Variants in PSMA1 observed in about 807,000 individuals in gnomAD.
The protein encoded by PSMA1 is proteasome 20S subunit alpha 1.
A neutral mutation model predicts 38.4 loss-of-function variants in PSMA1; 3 were observed. The observed-to-expected ratio is 0.08, with a 90% CI of 0.04 to 0.20. PSMA1 has a LOEUF of 0.20. PSMA1 is among the 10% of genes least tolerant of loss of function. The pLI is 1.00. For synonymous variants in PSMA1, 101 were observed against 107.1 expected, an observed-to-expected ratio of 0.94 and a Z score of 0.35; for missense variants, 227 against 325.3, an observed-to-expected ratio of 0.70 and a Z score of 2.32.
intron 2 of PSMA1, among the ~76,000 whole-genome samples, chr11:14,541,067 A>G (rs1270060281): frequency 6.6e-6 from 1 of 152,206 alleles, no homozygotes; most frequent in Non-Finnish European, 1.5e-5. Flanking sequence ...GTGAACATGT[A>G]CCCTAGAACT....
At chr11:14,559,890 A>G (rs1001046569) in intron 2 of PSMA1, among the ~76,000 whole-genome samples, 2 of 152,198 alleles carry the variant, frequency 1.3e-5, no homozygotes, top group Non-Finnish European at 2.9e-5. Flanking sequence ...TATCAGGGAA[A>G]GAGTGAAGGA....
chr11:14,608,731 A>G (rs894054657), intron 2 of PSMA1, among the ~76,000 whole-genome samples: 1 of 147,972 alleles, frequency 6.8e-6, no homozygotes, highest in African/African-American at 2.4e-5. Flanking sequence ...TATAATATAA[A>G]AGTATACATA....
intron 1 of PSMA1, among the ~76,000 whole-genome samples, chr11:14,635,540 T>C (rs1360907425): frequency 6.6e-6 from 1 of 152,242 alleles, no homozygotes; most frequent in African/African-American, 2.4e-5. Context: ...TGACTAGACA[T>C]TAATAAAATT....
intron 2 of PSMA1, among the ~76,000 whole-genome samples, chr11:14,563,963 G>T (rs1852039580): frequency 6.6e-6 from 1 of 151,968 alleles, no homozygotes; most frequent in African/African-American, 2.4e-5. Context: ...AAGTCTGTTG[G>T]GAGAAAGATT....
chr11:14,570,604 A>G (rs1454292501), intron 2 of PSMA1, among the ~76,000 whole-genome samples: 1 of 152,244 alleles, frequency 6.6e-6, no homozygotes, highest in Non-Finnish European at 1.5e-5. Context: ...AGTGGAGGAA[A>G]GGAGTGATTG....
At chr11:14,528,450 A>G (rs1851610230) in intron 2 of PSMA1, among the ~76,000 whole-genome samples, 1 of 151,978 alleles carries the variant, frequency 6.6e-6, no homozygotes, top group Non-Finnish European at 1.5e-5. Flanking sequence ...CCTTACCCCA[A>G]AATCTTTCTT....
intron 8 of PSMA1, among the ~76,000 whole-genome samples, chr11:14,508,899 C>T (rs948964098): frequency 5.3e-4 from 74 of 139,786 alleles, no homozygotes; most frequent in Admixed American, 4.5e-3. Flanking sequence ...CTTCTTTGAC[C>T]ACCTCTCTCA....
upstream of PSMA1, among the ~76,000 whole-genome samples, chr11:14,521,334 TA>T (rs3053227): frequency 3.5e-5 from 5 of 144,164 alleles, no homozygotes; most frequent in Admixed American, 1.4e-4. Flanking sequence ...ATAAGAATAA[TA>T]AAAAAAAAAG....
intron 2 of PSMA1, among the ~76,000 whole-genome samples, chr11:14,602,913 G>T (rs988575119): frequency 6.6e-6 from 1 of 152,178 alleles, no homozygotes; most frequent in African/African-American, 2.4e-5. Context: ...GGGTTCACCT[G>T]ATTTCCATGG....
chr11:14,599,021 T>A (rs1208020310), intron 2 of PSMA1, among the ~76,000 whole-genome samples: 3 of 152,144 alleles, frequency 2.0e-5, no homozygotes, highest in Admixed American at 2.0e-4. Context: ...GGATATGAAA[T>A]TCTGGGTTGA....
chr11:14,546,238 G>A lies in PSMA1; in HGVS notation c.22-27197C>T, dbSNP rs572238257. ...GACTGAGTCAGTTCTAAAAAGAGAG[G>A]GGCAAGAGGGTTGCTTATGTAGGAG... On this transcript the variant is annotated intron_variant, in intron 2 of 10. Coordinates refer to the PSMA1 transcript ENST00000418988. 6.1e-4 allele frequency among the ~76,000 whole-genome samples: 93 copies of A among 151,826 alleles called. No homozygotes were observed. The Middle Eastern group carries it at 0.014, about 22-fold the overall frequency.
chr11:14,525,051 C>T (rs890114914), upstream of PSMA1, among the ~76,000 whole-genome samples: 38 of 152,190 alleles, frequency 2.5e-4, 1 homozygote, highest in Middle Eastern at 3.4e-3. Flanking sequence ...CTACCCACCC[C>T]TCATTACCTT....
chr11:14,584,511 T>C (rs915440145), intron 2 of PSMA1, among the ~76,000 whole-genome samples: 4 of 144,766 alleles, frequency 2.8e-5, no homozygotes, highest in African/African-American at 1.0e-4. Flanking sequence ...TTTTTTGTTT[T>C]TTTTTTTTTT....
intron 2 of PSMA1, among the ~76,000 whole-genome samples, chr11:14,560,243 C>T (rs528928132): frequency 6.6e-6 from 1 of 152,312 alleles, no homozygotes; most frequent in South Asian, 2.1e-4. Flanking sequence ...ACTAATTTTG[C>T]ACAAGTTCCA....
At chr11:14,524,679 C>T (rs562664446), upstream of PSMA1, among the ~76,000 whole-genome samples, 9 of 152,294 alleles carry the variant, frequency 5.9e-5, no homozygotes, top group East Asian at 7.7e-4. Context: ...TCTCTTCACA[C>T]GGACACGTAA....
chr11:14,551,637 C>G (rs1229610615), intron 2 of PSMA1, among the ~76,000 whole-genome samples: 1 of 152,136 alleles, frequency 6.6e-6, no homozygotes, highest in Non-Finnish European at 1.5e-5. Flanking sequence ...GTTCCCAGCT[C>G]CCCTACCATG....
chr11:14,602,181 T>G (rs1421834441), intron 2 of PSMA1, among the ~76,000 whole-genome samples: 3 of 152,178 alleles, frequency 2.0e-5, no homozygotes, highest in African/African-American at 7.2e-5. Context: ...GAGAAACTCA[T>G]GAACACTAAA....
Position 14,520,310 on chromosome 11 carries a change from C to G in PSMA1, c.-11G>C, listed in dbSNP as rs1395994874. On this transcript the variant is annotated 5_prime_UTR_variant, in exon 1 of 10. Coordinates refer to ENST00000396394, the MANE Select transcript of PSMA1 (RefSeq NM_002786.4). ...GATTCAACGTACCATGGTGGCGGCG[C>G]GGGCCTGGTTGCGGCCTCCAGCAAA... 6.2e-6 allele frequency: 10 copies of G among 1,614,068 alleles called. No homozygotes were observed. The highest frequency in any genetic ancestry group is 8.5e-6 in the Non-Finnish European group (10 of 1,180,006).
At chr11:14,526,176 G>A (rs1347014327) in intron 2 of PSMA1, among the ~76,000 whole-genome samples, 4 of 152,022 alleles carry the variant, frequency 2.6e-5, no homozygotes, top group African/African-American at 7.3e-5. Context: ...GGATACTTTC[G>A]CCTTTGGATA....
Sources: gnomAD v4.1 joint callset for allele counts (sites outside exome capture counted in the v4.1 genomes callset) on GRCh38, gnomAD v4.1.1 for gene constraint, MANE v1.5 for transcripts, NCBI Gene and HGNC (gene_info 2026-07-23, HGNC 2026-07-21) for gene names.